Variants in EYA1 observed in about 807,000 individuals in gnomAD.
EYA1 encodes EYA transcriptional coactivator and phosphatase 1.
EYA1 carries 16 observed loss-of-function variants against 82.0 expected under a neutral mutation model. The ratio of observed to expected loss-of-function variants is 0.20; its 90% confidence interval spans 0.13 to 0.30. The LOEUF is 0.30. Ranked by LOEUF, EYA1 falls within the 10% of genes least tolerant of loss-of-function variation. The pLI, the probability that EYA1 is intolerant of heterozygous loss-of-function variation, is 1.00. For synonymous variants in EYA1, 261 were observed against 264.4 expected (o/e 0.99, Z 0.12); for missense variants, 633 against 730.7 (o/e 0.87, Z 1.54).
intron 2 of EYA1, among the ~76,000 whole-genome samples, chr8:71,531,462 C>T (rs1223757517): frequency 6.6e-6 from 1 of 151,994 alleles, no homozygotes; most frequent in African/African-American, 2.4e-5. Flanking sequence ...TTTGGGTTAT[C>T]GAGTGGTGGG....
intron 9 of EYA1, among the ~76,000 whole-genome samples, chr8:71,294,289 C>G (rs1033674504): frequency 2.6e-5 from 4 of 151,996 alleles, no homozygotes; most frequent in Non-Finnish European, 5.9e-5. Context: ...GAAACCCCGT[C>G]TCTACTAAAA....
At chr8:71,467,770 GA>G (rs1210259190) in intron 2 of EYA1, among the ~76,000 whole-genome samples, 1 of 152,116 alleles carries the variant, frequency 6.6e-6, no homozygotes, top group African/African-American at 2.4e-5. Context: ...ACAATTATCT[GA>G]AAAATTAATA....
chr8:71,387,029 A>T (rs1179003399), intron 2 of EYA1, among the ~76,000 whole-genome samples: 1 of 152,186 alleles, frequency 6.6e-6, no homozygotes, highest in Admixed American at 6.5e-5. Flanking sequence ...ATTGTACCAC[A>T]CGCTGATAAT....
intron 2 of EYA1, among the ~76,000 whole-genome samples, chr8:71,443,514 C>T (rs551770572): frequency 6.6e-5 from 10 of 152,298 alleles, no homozygotes; most frequent in African/African-American, 1.7e-4. Context: ...CCCCTGGCTT[C>T]GGGTGATCCA....
chr8:71,220,930 G>C (rs771865570), intron 12 of EYA1, among the ~76,000 whole-genome samples: 1 of 152,200 alleles, frequency 6.6e-6, no homozygotes, highest in Non-Finnish European at 1.5e-5. Flanking sequence ...AGGAAGCAGT[G>C]GTCAAGTTAT....
rs146480639 is a variant in EYA1, at chr8:71,243,910, G to T, written c.1140+693C>A. On this transcript the variant is annotated intron_variant, in intron 12 of 17. Coordinates refer to ENST00000340726, the MANE Select transcript of EYA1 (RefSeq NM_000503.6). The stretch of plus-strand genomic sequence containing the variant: ...CCTACCACAAGCTTGCTTAACAGCG[G>T]AATTTAAATAAACAACTGTCTCTAT... Among the ~76,000 whole-genome samples the T allele has an allele frequency of 1.8e-3, 272 of 152,306 alleles. 1 individual carries two copies. Among genetic ancestry groups the T allele is most frequent in the African/African-American group, 6.4e-3 (265 of 41,576 alleles).
At chr8:71,365,767 C>T (rs141205845), upstream of EYA1, among the ~76,000 whole-genome samples, 3 of 152,224 alleles carry the variant, frequency 2.0e-5, no homozygotes, top group African/African-American at 7.2e-5. Context: ...GCTCTTTCCC[C>T]ACCAGCATGA....
At chr8:71,346,431 AATAT>A (rs3066856) in intron 3 of EYA1, among the ~76,000 whole-genome samples, 1,167 of 105,496 alleles carry the variant, frequency 0.011, 25 homozygotes, top group African/African-American at 0.035. Context: ...TACTGCAGTG[AATAT>A]ATATATATAT....
At chr8:71,269,347 C>T (rs532207897) in intron 11 of EYA1, among the ~76,000 whole-genome samples, 1 of 152,260 alleles carries the variant, frequency 6.6e-6, no homozygotes, top group African/African-American at 2.4e-5. Flanking sequence ...CTTCTAATCA[C>T]TGAGAACAAC....
chr8:71,327,437 T>C (rs1823287889), intron 4 of EYA1, among the ~76,000 whole-genome samples: 1 of 152,246 alleles, frequency 6.6e-6, no homozygotes, highest in African/African-American at 2.4e-5. Flanking sequence ...TTAGGCTTTG[T>C]AGAAATGGCA....
intron 9 of EYA1, among the ~76,000 whole-genome samples, chr8:71,274,889 C>CGAGAGA (rs899811231): frequency 6.9e-6 from 1 of 145,336 alleles, no homozygotes. Flanking sequence ...AGTGAGCGAG[C>CGAGAGA]GAGAGAGAGA....
At chr8:71,508,993 G>A (rs1472168935) in intron 2 of EYA1, among the ~76,000 whole-genome samples, 5 of 152,206 alleles carry the variant, frequency 3.3e-5, no homozygotes, top group African/African-American at 9.6e-5. Flanking sequence ...AGGCCGAGGA[G>A]AGCAGACTGC....
rs1033618788 is a variant in EYA1 at position 71,505,160 on chromosome 8, A to AT, written c.33+30583dup. On this transcript the variant is annotated intron_variant, in intron 2 of 18. Transcript: ENST00000643681. ...CAAAATTTCACTTGAAGAAACCTTGATTTTTTATCCTCCACTATGGCATTT... is the reference window on the plus strand; with the variant it reads ...CAAAATTTCACTTGAAGAAACCTTGATTTTTTTATCCTCCACTATGGCATTT... Among the ~76,000 whole-genome samples, 47 of 152,270 alleles carry AT rather than the reference A, an allele frequency of 3.1e-4. 1 individual carries two copies. The highest frequency in any genetic ancestry group is 5.1e-4 in the Non-Finnish European group (35 of 68,006).
chr8:71,279,292 A>G (rs367816863), intron 9 of EYA1, among the ~76,000 whole-genome samples: 13 of 152,346 alleles, frequency 8.5e-5, no homozygotes, highest in East Asian at 5.8e-4. Flanking sequence ...CATTGTACAC[A>G]TGAGCACGAA....
At chr8:71,339,543 C>T (rs1213947955) in intron 3 of EYA1, among the ~76,000 whole-genome samples, 1 of 151,226 alleles carries the variant, frequency 6.6e-6, no homozygotes, top group Non-Finnish European at 1.5e-5. Flanking sequence ...CATACCTCAT[C>T]CCTCACCATC....
rs1806378329 is a variant in EYA1 at position 71,197,441 on chromosome 8, C to T, written c.*1899G>A. ...CCCGACAGTCAGGGAGCTTACAGTA[C>T]ATCACAAATAAATTTTATTAACTTA... On this transcript the variant is annotated 3_prime_UTR_variant, in exon 18 of 18. Transcript: ENST00000340726. The T allele has an allele frequency of 6.6e-6, 1 of 152,368 alleles. No homozygotes were observed. The highest frequency in any genetic ancestry group is 1.5e-5 in the Non-Finnish European group (1 of 68,026). 9.4% of individuals were successfully genotyped at this position (152,368 alleles called of 1,614,324 possible). A position where few individuals can be genotyped will look rare whatever the true frequency, so the allele number is the denominator to read the frequency against.
chr8:71,253,538 A>AATCTCTAAATCTCTAATAAATATTT (rs1814011120), intron 11 of EYA1, among the ~76,000 whole-genome samples: 1 of 152,132 alleles, frequency 6.6e-6, no homozygotes, highest in Non-Finnish European at 1.5e-5. Context: ...ATTGTATATA[A>AATCTCTAAATCTCTAATAAATATTT]ATCTCTAAAT....
chr8:71,322,819 A>C (rs112838767), intron 4 of EYA1, among the ~76,000 whole-genome samples: 5 of 152,196 alleles, frequency 3.3e-5, no homozygotes, highest in Non-Finnish European at 7.3e-5. Context: ...ATGCGTTCCT[A>C]TAACTATCTT....
intron 12 of EYA1, among the ~76,000 whole-genome samples, chr8:71,220,266 C>G (rs893480313): frequency 3.9e-5 from 6 of 152,140 alleles, no homozygotes; most frequent in African/African-American, 1.2e-4. Context: ...AAATACACGA[C>G]CAAAATTATG....
Sources: gnomAD v4.1 joint callset for allele counts (sites outside exome capture counted in the v4.1 genomes callset) on GRCh38, gnomAD v4.1.1 for gene constraint, MANE v1.5 for transcripts, NCBI Gene and HGNC (gene_info 2026-07-23, HGNC 2026-07-21) for gene names.